KIF23: variants seen among roughly 807,000 people sequenced by gnomAD.
KIF23 encodes kinesin family member 23.
In KIF23, 30 loss-of-function variants were observed where a neutral mutation model predicts 137.5. The ratio of observed to expected loss-of-function variants is 0.22; its 90% CI spans 0.16 to 0.30. KIF23 has a LOEUF of 0.30. KIF23 is among the 10% of genes least tolerant of loss of function. The pLI, the probability that KIF23 is intolerant of heterozygous loss-of-function variation, is 1.00. For missense variants in KIF23, 920 were observed against 1,194.3 expected (o/e 0.77, Z 3.38); for synonymous variants, 367 against 391.1 (o/e 0.94, Z 0.73).
At chr15:69,426,678 C>A in intron 10 of KIF23, 1 of 503,458 alleles carries the variant, frequency 2.0e-6, no homozygotes. Context: ...TGAGATCGCG[C>A]CACTGTAGTC....
chr15:69,431,979 G>A (rs908523360), intron 11 of KIF23, among the ~76,000 whole-genome samples: 15 of 152,194 alleles, frequency 9.9e-5, no homozygotes, highest in African/African-American at 3.6e-4. Flanking sequence ...GACTGTGTGT[G>A]TGCTGTCTGT....
At chr15:69,419,578 CA>C (rs1567057458) in intron 3 of KIF23, among the ~76,000 whole-genome samples, 1 of 152,292 alleles carries the variant, frequency 6.6e-6, no homozygotes, top group East Asian at 1.9e-4. Flanking sequence ...ATAGACTACC[CA>C]ATCAGAAACA....
intron 4 of KIF23, 79 bp from the exon 5 acceptor site, chr15:69,421,913 G>C: frequency 6.5e-7 from 1 of 1,536,982 alleles, no homozygotes; most frequent in Non-Finnish European, 8.9e-7. Context: ...CTAATTGTTA[G>C]TGTTTTCTAA....
In KIF23 at chr15:69,445,991, C is replaced by G. The variant is rs1187473454; in HGVS notation, c.2674-18C>G. On this transcript the variant is annotated intron_variant, in intron 20 of 23. Coordinates refer to ENST00000679126, the MANE Select transcript of KIF23 (RefSeq NM_001367805.3). ...GGGTGTATCAATGTGTAACAGTGAC[C>G]TTTTCTTTTGGCTTTAGGGTGATAT... The G allele has an allele frequency of 1.3e-6, 2 of 1,592,020 alleles. No homozygotes were observed. The highest frequency in any genetic ancestry group is 2.2e-5 in the East Asian group (1 of 44,748).
rs1297282168 is a variant in KIF23 at position 69,439,882 on chromosome 15, A to G, written c.1756-22A>G. On this transcript the variant is annotated intron_variant, in intron 16 of 23. Transcript: ENST00000679126. ...GAAATGTTTATATACCAAATATTGAACATAGTGGTCTACCTTCCTAGATTG... is the reference window on the plus strand; with the variant it reads ...GAAATGTTTATATACCAAATATTGAGCATAGTGGTCTACCTTCCTAGATTG... 2.5e-6 allele frequency: 4 copies of G among 1,569,486 alleles called. No individual in the cohort carries two copies. In the African/African-American group the frequency reaches 4.1e-5, roughly 16 times the overall value.
intron 11 of KIF23, among the ~76,000 whole-genome samples, chr15:69,430,765 G>A (rs1051214962): frequency 1.3e-5 from 2 of 152,142 alleles, no homozygotes; most frequent in African/African-American, 2.4e-5. Flanking sequence ...ATTTTATCTT[G>A]AAGGAATAAT....
In KIF23 at chr15:69,440,337, G is replaced by A. The variant is rs1412767133; in HGVS notation, c.1959G>A (p.Glu653=). ...GTAGAGTGGCAGCCAAACAGCTGGA[G>A]ATGCAGAATAAACTCTGGGTTAAAG... ...CERRVAAKQL[E]MQNKLWVKDE... Residue 653 remains glutamate (E), a synonymous_variant, in exon 18 of 24, where the codon GAG becomes GAA. Coordinates refer to ENST00000679126, the MANE Select transcript of KIF23 (RefSeq NM_001367805.3). 8 of 1,613,634 alleles carry A rather than the reference G, an allele frequency of 5.0e-6. No homozygotes were observed. Among genetic ancestry groups the A allele is most frequent in the Non-Finnish European group, 6.8e-6 (8 of 1,179,892 alleles).
chr15:69,436,031 C>A, intron 13 of KIF23, 107 bp from the exon 14 acceptor site: 1 of 1,435,186 alleles, frequency 7.0e-7, no homozygotes, highest in Non-Finnish European at 9.4e-7. Context: ...AGCCTGGTGA[C>A]AGACTGTCTC....
chr15:69,434,479 T>C (rs1596006075), intron 11 of KIF23: 3 of 590,330 alleles, frequency 5.1e-6, no homozygotes, highest in Non-Finnish European at 9.4e-6. Flanking sequence ...ATTCTGGCCT[T>C]TCCACCTTCA....
intron 21 of KIF23, 68 bp downstream of exon 21, chr15:69,446,159 A>T (rs951856706): frequency 2.1e-6 from 3 of 1,462,062 alleles, no homozygotes; most frequent in Non-Finnish European, 2.9e-6. Flanking sequence ...TTGGAGGAAC[A>T]GAATAGCCTG....
chr15:69,434,698 G>C, intron 11 of KIF23: 1 of 1,448,090 alleles, frequency 6.9e-7, no homozygotes, highest in Admixed American at 1.7e-5. Context: ...TTGAGCCAGA[G>C]CCTCAGATTG....
intron 3 of KIF23, 86 bp from the exon 4 acceptor site, chr15:69,421,561 C>A: frequency 1.2e-6 from 1 of 817,858 alleles, no homozygotes; most frequent in Non-Finnish European, 2.1e-6. Context: ...TCTTAAATGT[C>A]ATAAACACCT....
intron 15 of KIF23, among the ~76,000 whole-genome samples, chr15:69,437,929 C>T (rs2057522234): frequency 6.6e-6 from 1 of 152,176 alleles, no homozygotes; most frequent in Admixed American, 6.5e-5. Context: ...TTTAATTAAT[C>T]CCAAATAGTA....
intron 11 of KIF23, 102 bp downstream of exon 11, chr15:69,429,315 T>G (rs1266150947): frequency 1.3e-6 from 1 of 782,422 alleles, no homozygotes; most frequent in African/African-American, 1.8e-5. Context: ...TTTTTAATTT[T>G]TATTTTATTG....
Position 69,440,918 on chromosome 15 carries a change from C to G in KIF23, c.2260C>G (p.Leu754Val). Reference sequence around the variant, plus strand: ...GAAAATTCCTACGTACAACACACCTCTCAAAGTCACATCTATTGCAAGGCG... The same window carrying G: ...GAAAATTCCTACGTACAACACACCTGTCAAAGTCACATCTATTGCAAGGCG... ...EQKIPTYNTP[L>V]KVTSIARRRQ... The change falls in exon 19 of 24, where the codon CTC becomes GTC. Residue 754 changes from leucine (L) to valine (V), a missense_variant. Transcript: ENST00000679126. 1 of 1,614,188 alleles carries G rather than the reference C, an allele frequency of 6.2e-7. No homozygotes were observed. The highest frequency in any genetic ancestry group is 2.2e-5 in the East Asian group (1 of 44,884).
rs148926148 is a variant in KIF23 at position 69,446,515 on chromosome 15, A to C, written c.2838+151A>C. On this transcript the variant is annotated intron_variant, in intron 22 of 23. Coordinates refer to ENST00000679126, the MANE Select transcript of KIF23 (RefSeq NM_001367805.3). ...ATGTAGGCCTATTCCTAGAATAACA[A>C]GAATCCACTTCATCAGGAACTCCCT... 8.6e-4 allele frequency: 556 copies of C among 649,476 alleles called. 1 individual carries two copies. Among genetic ancestry groups the C allele is most frequent in the African/African-American group, 4.1e-3 (222 of 54,648 alleles). The allele number at this position is 649,476 out of a possible 1,614,324, so 40.2% of individuals were successfully genotyped here.
intron 3 of KIF23, among the ~76,000 whole-genome samples, chr15:69,418,917 G>A (rs997594905): frequency 2.0e-5 from 3 of 152,146 alleles, no homozygotes; most frequent in African/African-American, 7.2e-5. Flanking sequence ...AGGAGTTCAA[G>A]ACCAGCCTGA....
chr15:69,441,591 T>G (rs1238806713), intron 19 of KIF23, among the ~76,000 whole-genome samples: 1 of 152,180 alleles, frequency 6.6e-6, no homozygotes. Context: ...GATATAGATA[T>G]GTAAACCTTT....
intron 10 of KIF23, among the ~76,000 whole-genome samples, chr15:69,428,634 G>T (rs1057445086): frequency 1.6e-5 from 2 of 127,904 alleles, no homozygotes; most frequent in Non-Finnish European, 3.1e-5. Context: ...CAATCCAGCC[G>T]GGAGGTAGAG....
Sources: gnomAD v4.1 joint callset for allele counts (sites outside exome capture counted in the v4.1 genomes callset) on GRCh38, gnomAD v4.1.1 for gene constraint, MANE v1.5 for transcripts, NCBI Gene and HGNC (gene_info 2026-07-23, HGNC 2026-07-21) for gene names.